The following PPP2R2D variants were observed in gnomAD, a reference collection of about 807,000 sequenced individuals.
The protein encoded by PPP2R2D is serine/threonine-protein phosphatase 2A 55 kDa regulatory subunit B delta isoform.
Under a neutral mutation model 31.1 loss-of-function variants are expected in PPP2R2D, and 9 were observed. The observed-to-expected ratio is 0.29, with a 90% CI of 0.17 to 0.51. The LOEUF (loss-of-function observed/expected upper bound fraction) is 0.51, where lower values mean the gene tolerates loss of function less well. Among genes scored for constraint, PPP2R2D ranks in the 20% least tolerant of loss-of-function variants. PPP2R2D has a pLI of 0.98. For synonymous variants in PPP2R2D, 179 were observed against 172.6 expected (o/e 1.04, Z -0.29); for missense variants, 391 against 465.6 (o/e 0.84, Z 1.48).
chr10:131,906,989 T>C (rs2035599497), intron 2 of PPP2R2D, among the ~76,000 whole-genome samples: 1 of 151,768 alleles, frequency 6.6e-6, no homozygotes, highest in Non-Finnish European at 1.5e-5. Flanking sequence ...ATATAATCTT[T>C]GAAATTAGGT....
At position 131,955,598 on chromosome 10, in the gene PPP2R2D, C is replaced by T. The variant is rs78630814; in HGVS notation, c.1083-86C>T. 2,553 of 1,228,028 alleles carry T rather than the reference C, an allele frequency of 2.1e-3. 78 individuals carry two copies. In the East Asian group the frequency reaches 0.062, roughly 30 times the overall value. 76.1% of individuals were successfully genotyped at this position (1,228,028 alleles called of 1,614,324 possible). A position where few individuals can be genotyped will look rare whatever the true frequency, so the allele number is the denominator to read the frequency against. The stretch of plus-strand genomic sequence containing the variant: ...CTGGGTTGTGGGGGAGGGTGGCGTG[C>T]GCTGTGCACCCCAGGGGTGGGGTCT... On this transcript the variant is annotated intron_variant, in intron 8 of 8. Coordinates refer to ENST00000455566, the MANE Select transcript of PPP2R2D (RefSeq NM_018461.5).
At chr10:131,953,700 G>C (rs1188611325) in intron 8 of PPP2R2D, among the ~76,000 whole-genome samples, 1 of 86,214 alleles carries the variant, frequency 1.2e-5, no homozygotes, top group Non-Finnish European at 2.2e-5. Context: ...AGTGACTTGC[G>C]GGTGTGTGGG....
intron 2 of PPP2R2D, among the ~76,000 whole-genome samples, chr10:131,923,912 A>C (rs1205555309): frequency 6.6e-6 from 1 of 152,040 alleles, no homozygotes; most frequent in East Asian, 1.9e-4. Context: ...ACACACCACC[A>C]CAGCCGGCTA....
chr10:131,915,357 TC>T (rs1351360340), intron 2 of PPP2R2D, among the ~76,000 whole-genome samples: 4 of 152,150 alleles, frequency 2.6e-5, no homozygotes, highest in African/African-American at 4.8e-5. Flanking sequence ...TACGGGAGGC[TC>T]CGTTGTTTGC....
chr10:131,962,728 C>G (rs1306167821), downstream of PPP2R2D, among the ~76,000 whole-genome samples: 1 of 152,210 alleles, frequency 6.6e-6, no homozygotes, highest in Non-Finnish European at 1.5e-5. Context: ...GCACCAACCC[C>G]GCAGATGGCC....
intron 8 of PPP2R2D, among the ~76,000 whole-genome samples, chr10:131,954,280 G>A (rs148406528): frequency 2.6e-5 from 4 of 152,382 alleles, no homozygotes; most frequent in African/African-American, 2.4e-5. Context: ...AGCAATTCCA[G>A]TCAGTGTCGG....
chr10:131,913,265 AAGTGATC>A (rs2035714213), intron 2 of PPP2R2D, among the ~76,000 whole-genome samples: 1 of 150,804 alleles, frequency 6.6e-6, no homozygotes, highest in Admixed American at 6.6e-5. Context: ...TCCTGAGCTC[AAGTGATC>A]CGCCCACCTC....
At chr10:131,921,857 A>G (rs782187882) in intron 2 of PPP2R2D, among the ~76,000 whole-genome samples, 7 of 152,186 alleles carry the variant, frequency 4.6e-5, no homozygotes, top group Non-Finnish European at 8.8e-5. Context: ...TTATTTGCAA[A>G]AAGAACTTCT....
intron 2 of PPP2R2D, among the ~76,000 whole-genome samples, chr10:131,902,375 A>G (rs1255747607): frequency 6.6e-6 from 1 of 152,072 alleles, no homozygotes; most frequent in Non-Finnish European, 1.5e-5. Flanking sequence ...CAACCCCGTG[A>G]ACTTTTACTC....
chr10:131,954,473 C>T (rs2036754334), intron 8 of PPP2R2D, among the ~76,000 whole-genome samples: 1 of 152,218 alleles, frequency 6.6e-6, no homozygotes, highest in South Asian at 2.1e-4. Flanking sequence ...GGCTGCATAC[C>T]CCTGTTCCAA....
intron 2 of PPP2R2D, among the ~76,000 whole-genome samples, chr10:131,919,990 G>A (rs2035940212): frequency 7.3e-6 from 1 of 137,498 alleles, no homozygotes; most frequent in Admixed American, 7.3e-5. Context: ...CAGGCGGGTG[G>A]AATGACACAG....
At chr10:131,948,655 G>C (rs1554898394) in intron 8 of PPP2R2D, among the ~76,000 whole-genome samples, 1 of 152,234 alleles carries the variant, frequency 6.6e-6, no homozygotes, top group African/African-American at 2.4e-5. Context: ...CAGCCTTGCA[G>C]CCCCGGCTGG....
At chr10:131,961,346 C>T (rs979565609), downstream of PPP2R2D, among the ~76,000 whole-genome samples, 1 of 152,160 alleles carries the variant, frequency 6.6e-6, no homozygotes, top group Non-Finnish European at 1.5e-5. Flanking sequence ...GTAAAGGCAG[C>T]ACCCCCAGCC....
chr10:131,930,745 A>G (rs781849993), intron 2 of PPP2R2D, among the ~76,000 whole-genome samples: 51 of 152,160 alleles, frequency 3.4e-4, no homozygotes, highest in Non-Finnish European at 5.7e-4. Flanking sequence ...TGGGTCTGCC[A>G]TCAGCCATGC....
chr10:131,931,613 G>A (rs1473756230), intron 2 of PPP2R2D, among the ~76,000 whole-genome samples: 1 of 152,230 alleles, frequency 6.6e-6, no homozygotes, highest in East Asian at 1.9e-4. Context: ...CTCCCAAAGT[G>A]CTGGGATTAC....
intron 2 of PPP2R2D, among the ~76,000 whole-genome samples, chr10:131,917,751 T>TA (rs1393071139): frequency 5.0e-5 from 6 of 119,278 alleles, no homozygotes. Flanking sequence ...TGACACAGTA[T>TA]AGGGACCTCA....
intron 2 of PPP2R2D, among the ~76,000 whole-genome samples, chr10:131,922,492 AC>A (rs2036008201): frequency 1.4e-5 from 2 of 147,776 alleles, no homozygotes; most frequent in African/African-American, 5.1e-5. Flanking sequence ...TCACACTGTC[AC>A]CCGGGCTGGA....
At chr10:131,942,715 A>C (rs2036462809) in intron 5 of PPP2R2D, among the ~76,000 whole-genome samples, 1 of 152,220 alleles carries the variant, frequency 6.6e-6, no homozygotes, top group African/African-American at 2.4e-5. Context: ...AAATGAAAGC[A>C]AATTATTTTA....
downstream of PPP2R2D, chr10:131,959,978 T>C (rs1249134697): frequency 6.6e-6 from 1 of 152,234 alleles, no homozygotes; most frequent in Non-Finnish European, 1.5e-5. Flanking sequence ...GTGGCACTGC[T>C]GCTCCCGTGG....
Sources: allele counts gnomAD v4.1 joint callset (sites outside exome capture counted in the v4.1 genomes callset), GRCh38; gene constraint gnomAD v4.1.1; transcripts MANE v1.5; gene names NCBI Gene and HGNC (gene_info 2026-07-23, HGNC 2026-07-21).